The following CR1L variants were observed in gnomAD, a reference collection of about 807,000 sequenced individuals.
CR1L encodes complement C3b/C4b receptor 1 like.
In CR1L, 59 loss-of-function variants were observed where a neutral mutation model predicts 62.3. The ratio of observed to expected loss-of-function variants is 0.95; its 90% CI spans 0.77 to 1.18. CR1L has a LOEUF of 1.18. Ranked by LOEUF, CR1L falls within the 50% of genes most tolerant of loss-of-function variation. CR1L has a pLI of 0.00. For missense variants in CR1L, 700 were observed against 702.8 expected (o/e 1.00, Z 0.04); for synonymous variants, 279 against 248.7 (o/e 1.12, Z -1.15).
chr1:207,645,268 C>G lies in CR1L; in HGVS notation c.35C>G (p.Pro12Arg). 6.2e-7 allele frequency: 1 copy of G among 1,613,796 alleles called. No individual in the cohort carries two copies. ...CCCGTCCGTCTCGAGCGTCCCTTTC[C>G]TTCCCGGCGCTTTCCTGGGTTGCTT... ...APPVRLERPFPSRRFPGLLLA... is the reference protein window; with the variant it reads ...APPVRLERPFRSRRFPGLLLA... The change falls in exon 1 of 12, where the codon CCT (proline) becomes CGT (arginine). Residue 12 changes from proline to arginine, a missense_variant. By Grantham distance (103) the Pro-to-Arg change is moderately radical (BLOSUM62 -2). Transcript: ENST00000508064.
At chr1:207,705,666 A>G (rs965316285) in intron 9 of CR1L, among the ~76,000 whole-genome samples, 1 of 152,206 alleles carries the variant, frequency 6.6e-6, no homozygotes, top group African/African-American at 2.4e-5. Context: ...TTTTAAAAAT[A>G]CAATTGATAA....
intron 9 of CR1L, among the ~76,000 whole-genome samples, chr1:207,705,405 C>T (rs558904769): frequency 5.9e-5 from 9 of 152,300 alleles, no homozygotes; most frequent in African/African-American, 1.4e-4. Context: ...GTGCTCACAG[C>T]GCATGGTCCA....
At chr1:207,680,292 T>C (rs1446573574) in intron 3 of CR1L, among the ~76,000 whole-genome samples, 1 of 152,266 alleles carries the variant, frequency 6.6e-6, no homozygotes, top group East Asian at 1.9e-4. Context: ...AAGTCTATTT[T>C]TTTTTAAACT....
chr1:207,709,240 C>CA, intron 10 of CR1L: 1 of 156,812 alleles, frequency 6.4e-6, no homozygotes, highest in Non-Finnish European at 1.4e-5. Flanking sequence ...CCTGTCTCTA[C>CA]AAAAAATACA....
At chr1:207,668,342 A>G (rs753178374) in intron 1 of CR1L, among the ~76,000 whole-genome samples, 5 of 151,198 alleles carry the variant, frequency 3.3e-5, no homozygotes, top group Non-Finnish European at 7.3e-5. Context: ...CAGCCATAAG[A>G]AAGAATGAAA....
chr1:207,665,166 G>A (rs1382328934), intron 1 of CR1L, among the ~76,000 whole-genome samples: 5 of 151,924 alleles, frequency 3.3e-5, no homozygotes, highest in African/African-American at 1.2e-4. Flanking sequence ...CCATTCTCCT[G>A]CCTCAGCCTC....
At chr1:207,674,442 C>A (rs550812546) in intron 1 of CR1L, among the ~76,000 whole-genome samples, 3 of 152,174 alleles carry the variant, frequency 2.0e-5, no homozygotes, top group African/African-American at 7.2e-5. Context: ...GAACCAGCCA[C>A]AAATTGAGGG....
chr1:207,685,502 T>A (rs1167785352), intron 4 of CR1L, among the ~76,000 whole-genome samples: 6 of 152,234 alleles, frequency 3.9e-5, no homozygotes, highest in Non-Finnish European at 5.9e-5. Context: ...CATGATCAAT[T>A]AGCCCAATAA....
At chr1:207,664,955 T>A (rs1663491009) in intron 1 of CR1L, among the ~76,000 whole-genome samples, 1 of 152,240 alleles carries the variant, frequency 6.6e-6, no homozygotes, top group African/African-American at 2.4e-5. Context: ...AACAGTTTTT[T>A]AAAAAGATAC....
chr1:207,676,151 T>C (rs1162889006), intron 1 of CR1L, among the ~76,000 whole-genome samples: 2 of 152,186 alleles, frequency 1.3e-5, no homozygotes, highest in African/African-American at 4.8e-5. Context: ...TAACTAAAAT[T>C]TGAAGCTGTG....
chr1:207,667,224 T>C (rs1371541561), intron 1 of CR1L, among the ~76,000 whole-genome samples: 1 of 152,222 alleles, frequency 6.6e-6, no homozygotes, highest in East Asian at 1.9e-4. Flanking sequence ...TGTAACAAAT[T>C]ATCTTGTGGT....
At chr1:207,719,558 A>C (rs1041061692) in intron 11 of CR1L, among the ~76,000 whole-genome samples, 4 of 152,094 alleles carry the variant, frequency 2.6e-5, no homozygotes, top group African/African-American at 9.7e-5. Flanking sequence ...TGTCTCTACA[A>C]AAAATAAAAA....
chr1:207,674,866 T>G (rs1313091221), intron 1 of CR1L, among the ~76,000 whole-genome samples: 5 of 150,722 alleles, frequency 3.3e-5, no homozygotes, highest in Admixed American at 6.6e-5. Flanking sequence ...TTATTCGTGT[T>G]TTTTTTTTTA....
chr1:207,711,828 C>T (rs182378344), intron 10 of CR1L, among the ~76,000 whole-genome samples: 19 of 151,022 alleles, frequency 1.3e-4, no homozygotes, highest in East Asian at 1.9e-4. Context: ...GAACCTGGGA[C>T]GCGGAGGTTG....
chr1:207,710,911 G>A, intron 10 of CR1L: 1 of 983,090 alleles, frequency 1.0e-6, no homozygotes, highest in Non-Finnish European at 1.5e-6. Context: ...TTTGGGGGAA[G>A]AAGCATGAAA....
intron 5 of CR1L, among the ~76,000 whole-genome samples, chr1:207,696,720 C>T (rs1231524284): frequency 2.6e-5 from 4 of 152,140 alleles, no homozygotes; most frequent in South Asian, 4.1e-4. Flanking sequence ...ATTATTTTTT[C>T]CATTTTATAA....
At chr1:207,703,844 C>T (rs1012705044) in intron 9 of CR1L, among the ~76,000 whole-genome samples, 1 of 152,104 alleles carries the variant, frequency 6.6e-6, no homozygotes, top group Non-Finnish European at 1.5e-5. Context: ...GTCCCAACTA[C>T]TCAGGAGGCT....
At chr1:207,683,265 T>C (rs1663833713) in intron 3 of CR1L, among the ~76,000 whole-genome samples, 1 of 151,930 alleles carries the variant, frequency 6.6e-6, no homozygotes, top group Non-Finnish European at 1.5e-5. Context: ...GCCTTCTGAG[T>C]AGCTAGGACT....
chr1:207,654,599 A>G (rs115328938), intron 1 of CR1L, among the ~76,000 whole-genome samples: 1,598 of 152,318 alleles, frequency 0.01, 16 homozygotes, highest in Non-Finnish European at 0.017. Flanking sequence ...ATACTCAATG[A>G]GCTACTCCTA....
Sources: allele counts gnomAD v4.1 joint callset (sites outside exome capture counted in the v4.1 genomes callset), GRCh38; gene constraint gnomAD v4.1.1; transcripts MANE v1.5; gene names NCBI Gene and HGNC (gene_info 2026-07-23, HGNC 2026-07-21).